UBXN2B: variants seen among roughly 807,000 people sequenced by gnomAD.
The protein encoded by UBXN2B is UBX domain-containing protein 2B.
A neutral mutation model predicts 37.5 loss-of-function variants in UBXN2B; 19 were observed. The observed-to-expected ratio is 0.51, with a 90% confidence interval of 0.35 to 0.74. The LOEUF is 0.74. Among genes scored for constraint, UBXN2B ranks in the 30% least tolerant of loss-of-function variants. The pLI is 0.01. For missense variants in UBXN2B, 370 were observed against 393.2 expected (o/e 0.94, Z 0.50); for synonymous variants, 145 against 143.8 (o/e 1.01, Z -0.06).
At position 58,447,686 on chromosome 8, in the gene UBXN2B, G is replaced by C; in HGVS notation, c.*135G>C. ...TAAATTTTGGTTTTATTGTTATTCT[G>C]TCTTCCAATCTGAATATAGACAAAT... On this transcript the variant is annotated 3_prime_UTR_variant, in exon 8 of 8. Coordinates refer to ENST00000399598, the MANE Select transcript of UBXN2B (RefSeq NM_001077619.2). The C allele has an allele frequency of 2.3e-6, 2 of 859,392 alleles. No homozygotes were observed. Among genetic ancestry groups the C allele is most frequent in the Non-Finnish European group, 3.3e-6 (2 of 610,362 alleles). 53.2% of individuals were successfully genotyped at this position (859,392 alleles called of 1,614,324 possible). A position where few individuals can be genotyped will look rare whatever the true frequency, so the allele number is the denominator to read the frequency against.
chr8:58,413,332 A>C (rs534832385), intron 1 of UBXN2B: 1 of 152,346 alleles, frequency 6.6e-6, no homozygotes, highest in South Asian at 2.1e-4. Context: ...TTGCAAAGAA[A>C]CTTGAAAACA....
chr8:58,431,584 C>T (rs926983702), intron 3 of UBXN2B, among the ~76,000 whole-genome samples: 4 of 152,154 alleles, frequency 2.6e-5, no homozygotes, highest in Non-Finnish European at 1.5e-5. Context: ...GATAAATGCT[C>T]AGAAGTGCAA....
rs1808778449 is a variant in UBXN2B at position 58,450,501 on chromosome 8, T to C, written c.*2950T>C. 1 of 152,236 alleles carries C rather than the reference T, an allele frequency of 6.6e-6. No individual in the cohort carries two copies. Among genetic ancestry groups the C allele is most frequent in the Non-Finnish European group, 1.5e-5 (1 of 68,046 alleles). 9.4% of individuals were successfully genotyped at this position (152,236 alleles called of 1,614,324 possible). A position where few individuals can be genotyped will look rare whatever the true frequency, so the allele number is the denominator to read the frequency against. Reference sequence around the variant, plus strand: ...TCTATTCATGATGATTTAGATATTCTATGGCAATCGAGGTATTCTCTATTA... The same window carrying C: ...TCTATTCATGATGATTTAGATATTCCATGGCAATCGAGGTATTCTCTATTA... On this transcript the variant is annotated 3_prime_UTR_variant, in exon 8 of 8. Coordinates refer to ENST00000399598, the MANE Select transcript of UBXN2B (RefSeq NM_001077619.2).
chr8:58,425,759 A>G (rs1585603069), intron 2 of UBXN2B: 1 of 1,148,274 alleles, frequency 8.7e-7, no homozygotes, highest in Admixed American at 1.7e-5. Context: ...CCATGTTTCC[A>G]TCATAGGATT....
intron 2 of UBXN2B, chr8:58,424,608 G>A: frequency 2.6e-6 from 3 of 1,155,306 alleles, no homozygotes; most frequent in South Asian, 1.2e-5. Context: ...CTCTTCTGCT[G>A]TTGCATCAGG....
At chr8:58,433,270 G>C in intron 4 of UBXN2B, 27 bp downstream of exon 4, 1 of 1,547,796 alleles carries the variant, frequency 6.5e-7, no homozygotes, top group Non-Finnish European at 8.8e-7. Context: ...AAATGAAAAA[G>C]TATAAATATT....
At chr8:58,420,358 A>C (rs1231685856) in intron 2 of UBXN2B, among the ~76,000 whole-genome samples, 1 of 152,148 alleles carries the variant, frequency 6.6e-6, no homozygotes, top group African/African-American at 2.4e-5. Context: ...TTTTTAAAAA[A>C]CAGTTGCAAA....
chr8:58,435,233 G>T (rs1808382210), intron 5 of UBXN2B: 2 of 814,230 alleles, frequency 2.5e-6, no homozygotes, highest in East Asian at 1.4e-4. Flanking sequence ...TATATACAGG[G>T]TTATACTCCA....
At chr8:58,425,731 G>C in intron 2 of UBXN2B, 1 of 1,169,060 alleles carries the variant, frequency 8.6e-7, no homozygotes, top group Non-Finnish European at 1.3e-6. Context: ...GGGGCTACGT[G>C]AGTTGTAGTA....
intron 3 of UBXN2B, among the ~76,000 whole-genome samples, chr8:58,432,399 T>TTTTTTC: frequency 7.6e-6 from 1 of 130,848 alleles, no homozygotes; most frequent in East Asian, 2.2e-4. Context: ...TTTTTTTTTT[T>TTTTTTC]TGAGACAGGG....
Position 58,411,370 on chromosome 8 carries a change from CG to C in UBXN2B, c.-15del. 1 of 1,269,852 alleles carries C rather than the reference CG, an allele frequency of 7.9e-7. No individual in the cohort carries two copies. The highest frequency in any genetic ancestry group is 2.8e-5 in the South Asian group (1 of 35,230). 78.7% of individuals were successfully genotyped at this position (1,269,852 alleles called of 1,614,324 possible). ...CGGCAGGTGCGTCCGCAGCGGGCGC[CG>C]CTAGCCAGCGGAAGATGGCGGAGGG... On this transcript the variant is annotated 5_prime_UTR_variant, in exon 1 of 8. Transcript: ENST00000399598.
chr8:58,433,309 T>C, intron 4 of UBXN2B, 66 bp downstream of exon 4: 1 of 1,320,708 alleles, frequency 7.6e-7, no homozygotes, highest in South Asian at 1.3e-5. Context: ...CTGTTGGTTT[T>C]AAAATTAAGA....
intron 1 of UBXN2B, among the ~76,000 whole-genome samples, chr8:58,414,972 A>G (rs1374526368): frequency 6.6e-6 from 1 of 152,160 alleles, no homozygotes; most frequent in Non-Finnish European, 1.5e-5. Context: ...TATAACCCCA[A>G]TTTAAAATAC....
At chr8:58,442,609 A>T (rs189550030) in intron 6 of UBXN2B, among the ~76,000 whole-genome samples, 63 of 152,364 alleles carry the variant, frequency 4.1e-4, no homozygotes, top group Admixed American at 2.8e-3. Flanking sequence ...AAAATGTTAC[A>T]TAGTACCCTC....
In UBXN2B at chr8:58,447,612, A is replaced by G; in HGVS notation, c.*61A>G. On this transcript the variant is annotated 3_prime_UTR_variant, in exon 8 of 8. Transcript: ENST00000399598. ...GATGATGTGCCGTATTAATAAGGAC[A>G]ATACTTCAGCATTAAAAACAGCCAA... is the stretch of plus-strand genomic sequence containing the variant. The G allele has an allele frequency of 7.1e-7, 1 of 1,402,986 alleles. No individual in the cohort carries two copies. The highest frequency in any genetic ancestry group is 9.4e-7 in the Non-Finnish European group (1 of 1,059,202). 86.9% of individuals were successfully genotyped at this position (1,402,986 alleles called of 1,614,324 possible).
At chr8:58,425,764 A>G (rs1442949321) in intron 2 of UBXN2B, 2 of 1,149,408 alleles carry the variant, frequency 1.7e-6, no homozygotes, top group East Asian at 4.7e-5. Flanking sequence ...TTTCCATCAT[A>G]GGATTCTTCT....
At chr8:58,415,885 T>C (rs1807765474) in intron 1 of UBXN2B, among the ~76,000 whole-genome samples, 1 of 152,042 alleles carries the variant, frequency 6.6e-6, no homozygotes, top group African/African-American at 2.4e-5. Context: ...TTTTGTTTTA[T>C]TTGTGTATAT....
chr8:58,435,476 G>A (rs1808387686), intron 5 of UBXN2B, among the ~76,000 whole-genome samples: 1 of 152,134 alleles, frequency 6.6e-6, no homozygotes, highest in South Asian at 2.1e-4. Flanking sequence ...ATATGGGGGT[G>A]GCAAATACAG....
chr8:58,430,439 T>C (rs368161833), intron 2 of UBXN2B, 80 bp from the exon 3 acceptor site: 4 of 1,033,110 alleles, frequency 3.9e-6, no homozygotes, highest in Non-Finnish European at 5.2e-6. Context: ...ATACTTTTAT[T>C]TTCATAAGAC....
Sources: gnomAD v4.1 joint callset for allele counts (sites outside exome capture counted in the v4.1 genomes callset) on GRCh38, gnomAD v4.1.1 for gene constraint, MANE v1.5 for transcripts, NCBI Gene and HGNC (gene_info 2026-07-23, HGNC 2026-07-21) for gene names.